The following IL21R variants were observed in gnomAD, a reference collection of about 807,000 sequenced individuals.
IL21R encodes the protein interleukin 21 receptor.
Under a neutral mutation model 41.3 loss-of-function variants are expected in IL21R, and 14 were observed. That is an observed-to-expected ratio of 0.34 (90% CI 0.22 to 0.53). IL21R has a LOEUF of 0.53. Ranked by LOEUF, IL21R falls within the 20% of genes least tolerant of loss-of-function variation. IL21R has a pLI of 0.94. For missense variants in IL21R, 588 were observed against 681.6 expected, an observed-to-expected ratio of 0.86 and a Z score of 1.53; for synonymous variants, 286 against 287.6, an observed-to-expected ratio of 0.99 and a Z score of 0.05.
At chr16:27,406,631 C>G (rs1177567831) in intron 1 of IL21R, among the ~76,000 whole-genome samples, 1 of 151,970 alleles carries the variant, frequency 6.6e-6, no homozygotes, top group Non-Finnish European at 1.5e-5. Flanking sequence ...AACTGTAAGC[C>G]TGAGGTCCCC....
At chr16:27,437,740 C>A in intron 4 of IL21R, 53 bp downstream of exon 4, 3 of 1,438,676 alleles carry the variant, frequency 2.1e-6, no homozygotes, top group Non-Finnish European at 2.9e-6. Context: ...TAGCTCACCG[C>A]AGCCCTGACC....
At chr16:27,424,249 A>G (rs1239468474) in intron 1 of IL21R, among the ~76,000 whole-genome samples, 1 of 151,872 alleles carries the variant, frequency 6.6e-6, no homozygotes, top group Non-Finnish European at 1.5e-5. Context: ...TAATTTTTGT[A>G]TTTTTAGTAG....
intron 1 of IL21R, among the ~76,000 whole-genome samples, chr16:27,410,549 A>G (rs1158777430): frequency 1.3e-5 from 2 of 152,204 alleles, no homozygotes; most frequent in South Asian, 2.1e-4. Context: ...GCCCACTTCA[A>G]CTGACCACCA....
intron 3 of IL21R, among the ~76,000 whole-genome samples, chr16:27,435,164 C>T (rs150773018): frequency 1.2e-3 from 189 of 152,150 alleles, no homozygotes; most frequent in African/African-American, 4.1e-3. Flanking sequence ...GAGTCTAAGG[C>T]AGGGGGACCA....
At chr16:27,422,971 T>C (rs2087019458) in intron 1 of IL21R, among the ~76,000 whole-genome samples, 1 of 152,206 alleles carries the variant, frequency 6.6e-6, no homozygotes, top group African/African-American at 2.4e-5. Context: ...CAAGGAATAG[T>C]ATTTTCTAAA....
chr16:27,422,419 A>G (rs1228943118), intron 1 of IL21R, among the ~76,000 whole-genome samples: 1 of 152,100 alleles, frequency 6.6e-6, no homozygotes, highest in East Asian at 1.9e-4. Flanking sequence ...CATGTATGTT[A>G]GATCATTTCA....
chr16:27,403,725 G>A (rs780558634), intron 1 of IL21R, among the ~76,000 whole-genome samples: 6 of 152,158 alleles, frequency 3.9e-5, no homozygotes, highest in Non-Finnish European at 8.8e-5. Context: ...GGCATGAGAA[G>A]CTTTGAGCCC....
At chr16:27,423,478 C>T (rs1004158236) in intron 1 of IL21R, among the ~76,000 whole-genome samples, 1 of 152,184 alleles carries the variant, frequency 6.6e-6, no homozygotes, top group Non-Finnish European at 1.5e-5. Context: ...CCTTCTCACA[C>T]CCCCTCCTTT....
At chr16:27,430,765 AG>A (rs1185658199) in intron 2 of IL21R, among the ~76,000 whole-genome samples, 2 of 152,140 alleles carry the variant, frequency 1.3e-5, no homozygotes, top group Admixed American at 1.3e-4. Context: ...CAGTGAGTCA[AG>A]GTGACAACTG....
chr16:27,440,817 G>A (rs1481192095), intron 4 of IL21R, among the ~76,000 whole-genome samples: 1 of 152,130 alleles, frequency 6.6e-6, no homozygotes, highest in Non-Finnish European at 1.5e-5. Flanking sequence ...TTGGGAGGTT[G>A]AGGTGGGTGG....
At chr16:27,437,781 G>A in intron 4 of IL21R, 94 bp downstream of exon 4, 1 of 981,534 alleles carries the variant, frequency 1.0e-6, no homozygotes, top group Non-Finnish European at 1.6e-6. Flanking sequence ...TCCCACCTCA[G>A]CCTCCCGTGT....
At chr16:27,432,392 C>T (rs1238660013) in intron 2 of IL21R, among the ~76,000 whole-genome samples, 1 of 152,174 alleles carries the variant, frequency 6.6e-6, no homozygotes, top group Non-Finnish European at 1.5e-5. Flanking sequence ...TGCACGCTTT[C>T]ATAACCCCAG....
rs1294029603 is a variant in IL21R, at chr16:27,451,226, G to C, written c.*1943G>C. 8.7e-6 allele frequency: 2 copies of C among 229,498 alleles called. No homozygotes were observed. The highest frequency in any genetic ancestry group is 1.7e-5 in the Non-Finnish European group (2 of 116,602). The allele number at this position is 229,498 out of a possible 1,614,324, so 14.2% of individuals were successfully genotyped here. On this transcript the variant is annotated 3_prime_UTR_variant, in exon 9 of 9. Coordinates refer to ENST00000337929, the MANE Select transcript of IL21R (RefSeq NM_181078.3). ...AACAGGTTCCAGGAGCCACCTGTGG[G>C]TGCCACCTGAGCCACAGGCTCCCAG...
chr16:27,406,114 C>T (rs2086741754), intron 1 of IL21R, among the ~76,000 whole-genome samples: 1 of 152,264 alleles, frequency 6.6e-6, no homozygotes, highest in South Asian at 2.1e-4. Context: ...CAACTTTCCC[C>T]AGAATGAATC....
chr16:27,426,956 C>A (rs531893133), intron 1 of IL21R, among the ~76,000 whole-genome samples: 1 of 152,114 alleles, frequency 6.6e-6, no homozygotes. Context: ...GGATCCAGGA[C>A]CTCCCATGAT....
intron 2 of IL21R, among the ~76,000 whole-genome samples, chr16:27,432,826 A>G (rs1036343263): frequency 2.0e-5 from 3 of 152,180 alleles, no homozygotes; most frequent in African/African-American, 7.2e-5. Flanking sequence ...AGAGAAGTTG[A>G]GAAGCATTCC....
intron 3 of IL21R, among the ~76,000 whole-genome samples, chr16:27,435,149 C>T (rs1417692255): frequency 1.3e-5 from 2 of 152,080 alleles, no homozygotes; most frequent in Non-Finnish European, 2.9e-5. Context: ...ATCCCAGCTA[C>T]TTGAGAGTCT....
chr16:27,414,164 T>TTGTGTGTGTGTGTG (rs1208364751), intron 1 of IL21R, among the ~76,000 whole-genome samples: 15 of 29,168 alleles, frequency 5.1e-4, no homozygotes, highest in Non-Finnish European at 8.7e-4. Flanking sequence ...TAGCTATGTA[T>TTGTGTGTGTGTGTG]AGTGTGTGTG....
At chr16:27,412,791 T>TA (rs2086841693) in intron 1 of IL21R, among the ~76,000 whole-genome samples, 1 of 152,168 alleles carries the variant, frequency 6.6e-6, no homozygotes, top group South Asian at 2.1e-4. Context: ...ATTGTTAATG[T>TA]AAAAAATGCA....
Sources: allele counts gnomAD v4.1 joint callset (sites outside exome capture counted in the v4.1 genomes callset), GRCh38; gene constraint gnomAD v4.1.1; transcripts MANE v1.5; gene names NCBI Gene and HGNC (gene_info 2026-07-23, HGNC 2026-07-21).